CRTC1: variants seen among roughly 807,000 people sequenced by gnomAD.
CRTC1 encodes CREB regulated transcription coactivator 1, also known as CREB-regulated transcription coactivator 1.
A neutral mutation model predicts 66.1 loss-of-function variants in CRTC1; 18 were observed. That is an observed-to-expected ratio of 0.27 (90% CI 0.19 to 0.40). CRTC1 has a LOEUF of 0.40. Among genes scored for constraint, CRTC1 ranks in the 10% least tolerant of loss-of-function variants. The pLI is 1.00. For missense variants in CRTC1, 669 were observed against 887.9 expected (o/e 0.75, Z 3.13); for synonymous variants, 416 against 398.8 (o/e 1.04, Z -0.51).
At chr19:18,701,551 T>C (rs2053140197) in intron 1 of CRTC1, among the ~76,000 whole-genome samples, 2 of 152,244 alleles carry the variant, frequency 1.3e-5, no homozygotes, top group South Asian at 4.1e-4. Context: ...GTCATCTGTT[T>C]AGTTTCACCT....
At chr19:18,708,445 G>C (rs2053313839) in intron 1 of CRTC1, among the ~76,000 whole-genome samples, 1 of 152,160 alleles carries the variant, frequency 6.6e-6, no homozygotes, top group African/African-American at 2.4e-5. Context: ...CGGGTTTCTG[G>C]CTTCTGTATC....
In CRTC1 at chr19:18,765,905, G is replaced by A. The variant is rs889607021; in HGVS notation, c.1011+377G>A. Among the ~76,000 whole-genome samples, 6 of 152,086 alleles carry A rather than the reference G, an allele frequency of 3.9e-5. No individual in the cohort carries two copies. In the East Asian group the frequency reaches 1.2e-3, roughly 29 times the overall value. On this transcript the variant is annotated intron_variant, in intron 9 of 13. Transcript: ENST00000321949. ...GAGCCCAGGGGGTGGAGGCTGCAGT[G>A]AGCCATGATCACACCACTGCACTCT...
intron 11 of CRTC1, among the ~76,000 whole-genome samples, chr19:18,772,016 G>C (rs2054880944): frequency 6.6e-6 from 1 of 152,180 alleles, no homozygotes; most frequent in African/African-American, 2.4e-5. Flanking sequence ...TGTTTCTCCA[G>C]AACCACTGGC....
At chr19:18,687,745 C>T (rs906327707) in intron 1 of CRTC1, among the ~76,000 whole-genome samples, 1 of 152,104 alleles carries the variant, frequency 6.6e-6, no homozygotes, top group Non-Finnish European at 1.5e-5. Context: ...GTCTTGCTGC[C>T]GTGGAAGGCC....
intron 1 of CRTC1, among the ~76,000 whole-genome samples, chr19:18,724,820 C>G (rs1467076972): frequency 2.0e-5 from 2 of 97,916 alleles, no homozygotes; most frequent in East Asian, 3.8e-4. Context: ...GTCATACTCT[C>G]AGGTTCCAGG....
At chr19:18,707,231 A>G (rs1457790550) in intron 1 of CRTC1, among the ~76,000 whole-genome samples, 1 of 152,072 alleles carries the variant, frequency 6.6e-6, no homozygotes, top group East Asian at 1.9e-4. Flanking sequence ...TTTTACTTTT[A>G]TAGTTTTAGC....
intron 1 of CRTC1, among the ~76,000 whole-genome samples, chr19:18,705,253 T>C (rs1385435477): frequency 1.3e-5 from 2 of 152,204 alleles, no homozygotes; most frequent in Non-Finnish European, 2.9e-5. Context: ...TGTACATCTC[T>C]TTGAGTCCCT....
intron 1 of CRTC1, among the ~76,000 whole-genome samples, chr19:18,731,996 C>T (rs2053900810): frequency 6.6e-6 from 1 of 152,194 alleles, no homozygotes; most frequent in South Asian, 2.1e-4. Flanking sequence ...TGTGGTTGCC[C>T]CCTGATGACT....
chr19:18,759,981 T>TG (rs1280853241), intron 7 of CRTC1, 27 bp from the exon 8 acceptor site: 1 of 1,211,126 alleles, frequency 8.3e-7, no homozygotes, highest in African/African-American at 2.4e-5. Context: ...TGAGCTCACC[T>TG]CCTGCCTGCC....
At chr19:18,711,696 C>G (rs542265747) in intron 1 of CRTC1, among the ~76,000 whole-genome samples, 1 of 152,030 alleles carries the variant, frequency 6.6e-6, no homozygotes, top group Admixed American at 6.6e-5. Context: ...CGGGCAGTTC[C>G]GCCCATTCCC....
chr19:18,743,164 C>A (rs2054148123), intron 2 of CRTC1, 138 bp downstream of exon 2: 8 of 711,820 alleles, frequency 1.1e-5, no homozygotes, highest in Admixed American at 2.3e-5. Context: ...TCCTTGTCTG[C>A]CCTGGGAACC....
At chr19:18,747,207 C>A (rs965030778) in intron 4 of CRTC1, 93 bp downstream of exon 4, 2 of 955,974 alleles carry the variant, frequency 2.1e-6, no homozygotes, top group South Asian at 1.5e-5. Flanking sequence ...AGGACACAGT[C>A]GCTTAAACAA....
In CRTC1 at chr19:18,771,398, T is replaced by G; in HGVS notation, c.1321-44T>G. 3 of 1,537,924 alleles carry G rather than the reference T, an allele frequency of 2.0e-6. No individual in the cohort carries two copies. The highest frequency in any genetic ancestry group is 1.8e-6 in the Non-Finnish European group (2 of 1,128,898). On this transcript the variant is annotated intron_variant, in intron 10 of 13. Coordinates refer to ENST00000321949, the MANE Select transcript of CRTC1 (RefSeq NM_015321.3). The surrounding 1 kb of genome is among the most constrained non-coding windows in gnomAD (Gnocchi z 4.6). Reference sequence around the variant, plus strand: ...GGGAAGCAGGGACTGGAGCCCGGGCTTGGGCAGCTGGGCTGCGGCGTGCTG... The same window carrying G: ...GGGAAGCAGGGACTGGAGCCCGGGCGTGGGCAGCTGGGCTGCGGCGTGCTG...
At chr19:18,719,146 C>T (rs2053568685) in intron 1 of CRTC1, among the ~76,000 whole-genome samples, 1 of 152,152 alleles carries the variant, frequency 6.6e-6, no homozygotes, top group Non-Finnish European at 1.5e-5. Context: ...GAAAGGGACA[C>T]CTCCAGCCTC....
rs79905396 is a variant in CRTC1 at position 18,741,098 on chromosome 19, G to C, written c.127-1812G>C. Reference sequence around the variant, plus strand: ...GCCCAGGGGCTGTGCTCCGAAGCCTGAGTGCCTCCAGCAAAGTGGACAGGA... The same window carrying C: ...GCCCAGGGGCTGTGCTCCGAAGCCTCAGTGCCTCCAGCAAAGTGGACAGGA... On this transcript the variant is annotated intron_variant, in intron 1 of 13. Transcript: ENST00000321949. This position sits in a 1 kb window ranked among gnomAD's most constrained non-coding sequence, Gnocchi z 4.2. Among the ~76,000 whole-genome samples, 475 of 152,358 alleles carry C rather than the reference G, an allele frequency of 3.1e-3. 5 individuals carry two copies. The highest frequency in any genetic ancestry group is 0.011 in the African/African-American group (459 of 41,582).
At position 18,763,434 on chromosome 19, in the gene CRTC1, T is replaced by G. The variant is rs149139185; in HGVS notation, c.887-1970T>G. Among the ~76,000 whole-genome samples the G allele has an allele frequency of 2.1e-3, 317 of 152,298 alleles. 5 individuals are homozygous for G. The highest frequency in any genetic ancestry group is 0.016 in the South Asian group (78 of 4,824). On this transcript the variant is annotated intron_variant, in intron 8 of 13. Coordinates refer to ENST00000321949, the MANE Select transcript of CRTC1 (RefSeq NM_015321.3). The stretch of plus-strand genomic sequence containing the variant: ...TCAGGACGGTCACCCTGTACAGGTT[T>G]GTAGCCTGGGAACAAGGGCCCTACC...
intron 6 of CRTC1, among the ~76,000 whole-genome samples, chr19:18,759,069 G>A (rs755667324): frequency 1.5e-4 from 23 of 152,212 alleles, no homozygotes; most frequent in Non-Finnish European, 2.9e-4. Context: ...GCGCAGTGCA[G>A]TGACGCGTGC....
At chr19:18,744,118 T>A (rs747319119) in intron 2 of CRTC1, 1 of 1,612,918 alleles carries the variant, frequency 6.2e-7, no homozygotes, top group Non-Finnish European at 8.5e-7. Flanking sequence ...CCCAGCGGAT[T>A]TCTGGGGGAG....
In CRTC1 at chr19:18,760,201, C is replaced by T; in HGVS notation, c.859C>T (p.His287Tyr). The stretch of plus-strand genomic sequence containing the variant: ...CGGCAACCTCGCGGCCAACCTGACG[C>T]ACCTGGGCATCGGTGGCGCCGGCCA... ...STGNLAANLT[H>Y]LGIGGAGQGM... Residue 287 changes from histidine to tyrosine, a missense_variant, in exon 8 of 14, where the codon CAC (histidine) becomes TAC (tyrosine). Coordinates refer to ENST00000321949, the MANE Select transcript of CRTC1 (RefSeq NM_015321.3). The surrounding 1 kb of genome is among the most constrained non-coding windows in gnomAD (Gnocchi z 6.2). 6.2e-7 allele frequency: 1 copy of T among 1,611,822 alleles called. No homozygotes were observed.
Sources: allele counts gnomAD v4.1 joint callset (sites outside exome capture counted in the v4.1 genomes callset), GRCh38; gene constraint gnomAD v4.1.1; non-coding constraint Gnocchi (gnomAD v3.1); transcripts MANE v1.5; gene names NCBI Gene and HGNC (gene_info 2026-07-23, HGNC 2026-07-21).